WDFY1: variants seen among roughly 807,000 people sequenced by gnomAD.
The protein encoded by WDFY1 is WD repeat and FYVE domain-containing protein 1.
A neutral mutation model predicts 56.4 loss-of-function variants in WDFY1; 32 were observed. The observed-to-expected ratio is 0.57, with a 90% CI of 0.43 to 0.76. The LOEUF (loss-of-function observed/expected upper bound fraction) is 0.76. Among genes scored for constraint, WDFY1 ranks in the 30% least tolerant of loss-of-function variants. The probability of loss-of-function intolerance (pLI) is 0.00; values close to 1 mark genes in which losing one functional copy is unlikely to be tolerated. For missense variants in WDFY1, 480 were observed against 545.7 expected, an observed-to-expected ratio of 0.88 and a Z score of 1.20; for synonymous variants, 192 against 197.3, an observed-to-expected ratio of 0.97 and a Z score of 0.23.
chr2:223,912,553 G>A (rs1354874621), intron 2 of WDFY1, among the ~76,000 whole-genome samples: 1 of 152,168 alleles, frequency 6.6e-6, no homozygotes, highest in Non-Finnish European at 1.5e-5. Flanking sequence ...CTATAATGCT[G>A]GGTGAAGTGA....
At chr2:223,915,391 C>G (rs936613108) in intron 2 of WDFY1, among the ~76,000 whole-genome samples, 3 of 152,234 alleles carry the variant, frequency 2.0e-5, no homozygotes, top group Non-Finnish European at 4.4e-5. Context: ...CGAGATCTAA[C>G]AGCCAAGAGA....
At chr2:223,926,941 T>C (rs1210242559) in intron 1 of WDFY1, among the ~76,000 whole-genome samples, 1 of 152,214 alleles carries the variant, frequency 6.6e-6, no homozygotes, top group African/African-American at 2.4e-5. Flanking sequence ...GTGCTGGTAT[T>C]ACAGGTGTCA....
chr2:223,917,922 T>C, intron 2 of WDFY1, 21 bp downstream of exon 2: 1 of 1,612,330 alleles, frequency 6.2e-7, no homozygotes, highest in Non-Finnish European at 8.5e-7. Flanking sequence ...TTCTCTCAAA[T>C]GGAACAGTTC....
At chr2:223,881,470 A>G (rs901231643) in intron 10 of WDFY1, among the ~76,000 whole-genome samples, 1 of 152,198 alleles carries the variant, frequency 6.6e-6, no homozygotes, top group African/African-American at 2.4e-5. Context: ...CTTAAGTCAT[A>G]AAGCTAGGGC....
chr2:223,900,590 C>G (rs1693490374), intron 5 of WDFY1, among the ~76,000 whole-genome samples: 1 of 151,982 alleles, frequency 6.6e-6, no homozygotes, highest in Admixed American at 6.6e-5. Context: ...TTTGGGGGAT[C>G]CTGAGCCATC....
In WDFY1 at chr2:223,901,203, C is replaced by T. The variant is rs1234653600; in HGVS notation, c.465G>A (p.Thr155=). 4.6e-5 allele frequency: 74 copies of T among 1,613,806 alleles called. No homozygotes were observed. The highest frequency in any genetic ancestry group is 5.8e-5 in the Non-Finnish European group (69 of 1,179,924). The change falls in exon 5 of 12, where the codon ACG becomes ACA. Residue 155 remains threonine (T), a synonymous_variant. Coordinates refer to ENST00000233055, the MANE Select transcript of WDFY1 (RefSeq NM_020830.5). ...GATACTGCAGACACGAAGCCCAGGA[C>T]GTGAAGAAGTGCCTCCCGAGCATGT... is the stretch of plus-strand genomic sequence containing the variant. The part of the protein sequence containing the change: ...SGNMLGRHFF[T]SWASCLQYDF...
chr2:223,931,689 T>C (rs76356292), intron 1 of WDFY1, among the ~76,000 whole-genome samples: 1 of 143,860 alleles, frequency 7.0e-6, no homozygotes, highest in South Asian at 2.1e-4. Flanking sequence ...TTTCTTTCTT[T>C]TTTTTTTTTT....
intron 8 of WDFY1, among the ~76,000 whole-genome samples, chr2:223,888,183 G>A (rs538364993): frequency 5.9e-5 from 9 of 152,134 alleles, no homozygotes; most frequent in Non-Finnish European, 1.2e-4. Flanking sequence ...TGTCTCATGC[G>A]ATCCTCCCTC....
chr2:223,892,811 C>A (rs566356291), intron 8 of WDFY1, among the ~76,000 whole-genome samples: 1 of 152,204 alleles, frequency 6.6e-6, no homozygotes, highest in Non-Finnish European at 1.5e-5. Flanking sequence ...CATGTGATGT[C>A]ATGCAACACA....
chr2:223,941,909 T>C (rs1689310944), intron 1 of WDFY1, among the ~76,000 whole-genome samples: 1 of 152,106 alleles, frequency 6.6e-6, no homozygotes, highest in Non-Finnish European at 1.5e-5. Context: ...TTACATCTCA[T>C]GAAGTGTAGC....
At chr2:223,907,846 T>C (rs1693624200) in intron 3 of WDFY1, among the ~76,000 whole-genome samples, 1 of 132,032 alleles carries the variant, frequency 7.6e-6, no homozygotes, top group Non-Finnish European at 1.6e-5. Flanking sequence ...TCAAGGCTGC[T>C]GCTGCTATTT....
intron 11 of WDFY1, 112 bp from the exon 12 acceptor site, chr2:223,878,842 G>T: frequency 1.5e-6 from 2 of 1,316,224 alleles, no homozygotes; most frequent in Non-Finnish European, 2.1e-6. Flanking sequence ...TCAAATTAAT[G>T]AATTTTCTCA....
chr2:223,945,308 C>T lies in WDFY1; in HGVS notation c.-24G>A. ...ATGTTCGCGCGGCGACTGCTGCGGC[C>T]TCCTCGGCAGGCAGCCCATCAGCTG... On this transcript the variant is annotated 5_prime_UTR_variant, in exon 1 of 12. Coordinates refer to ENST00000233055, the MANE Select transcript of WDFY1 (RefSeq NM_020830.5). 4 of 1,554,962 alleles carry T rather than the reference C, an allele frequency of 2.6e-6. No homozygotes were observed. The highest frequency in any genetic ancestry group is 3.5e-6 in the Non-Finnish European group (4 of 1,159,022).
At chr2:223,899,169 A>G (rs1242894643) in intron 5 of WDFY1, 99 bp from the exon 6 acceptor site, 22 of 924,098 alleles carry the variant, frequency 2.4e-5, no homozygotes, top group Non-Finnish European at 3.8e-5. Flanking sequence ...CAAAGTTAGA[A>G]AACATGCATT....
intron 5 of WDFY1, among the ~76,000 whole-genome samples, chr2:223,899,913 T>G: frequency 6.6e-6 from 1 of 152,200 alleles, no homozygotes; most frequent in South Asian, 2.1e-4. Context: ...GCCTAGAGAA[T>G]TTAGCTATAA....
chr2:223,878,514 T>C lies in WDFY1; in HGVS notation c.*157A>G. On this transcript the variant is annotated 3_prime_UTR_variant, in exon 12 of 12. Coordinates refer to ENST00000233055, the MANE Select transcript of WDFY1 (RefSeq NM_020830.5). Reference sequence around the variant, plus strand: ...AGTCCCCATGGGTAAGTTCCACAAATGCCCCAAAACACACCTTTACATTTT... The same window carrying C: ...AGTCCCCATGGGTAAGTTCCACAAACGCCCCAAAACACACCTTTACATTTT... The C allele has an allele frequency of 1.6e-6, 1 of 610,400 alleles. No individual in the cohort carries two copies. Among genetic ancestry groups the C allele is most frequent in the Non-Finnish European group, 2.9e-6 (1 of 342,874 alleles). The allele number at this position is 610,400 out of a possible 1,614,324, so 37.8% of individuals were successfully genotyped here.
In WDFY1 at chr2:223,912,299, T is replaced by C; in HGVS notation, c.233A>G (p.His78Arg). The C allele has an allele frequency of 2.5e-6, 4 of 1,611,076 alleles. No homozygotes were observed. Among genetic ancestry groups the C allele is most frequent in the African/African-American group, 1.3e-5 (1 of 74,826 alleles). Residue 78 changes from histidine (H) to arginine (R), a missense_variant, in exon 3 of 12, where the codon CAT becomes CGT. His to Arg is a conservative substitution (Grantham distance 29). Coordinates refer to ENST00000233055, the MANE Select transcript of WDFY1 (RefSeq NM_020830.5). ...GCCCACAAATATCCGTCTGCTGTCA[T>C]GATGGTAAGCCATAGCAGAGCAAGG... The part of the protein sequence containing the change: ...ASPCSAMAYH[H>R]DSRRIFVGQD...
At chr2:223,939,796 C>A (rs989613315) in intron 1 of WDFY1, among the ~76,000 whole-genome samples, 3 of 152,264 alleles carry the variant, frequency 2.0e-5, no homozygotes, top group African/African-American at 4.8e-5. Context: ...GGGGACACAG[C>A]CAAACCATAT....
rs76832972 is a variant in WDFY1, at chr2:223,893,353, C to T, written c.831+881G>A. 2.7e-3 allele frequency among the ~76,000 whole-genome samples: 392 copies of T among 143,232 alleles called. 2 individuals carry two copies. The highest frequency in any genetic ancestry group is 9.6e-3 in the African/African-American group (362 of 37,836). The allele number at this position is 143,232 out of a possible 152,430, so 94.0% of individuals were successfully genotyped here. On this transcript the variant is annotated intron_variant, in intron 8 of 11. Transcript: ENST00000233055. Reference sequence around the variant, plus strand: ...ACGATACAGCAAGACCCTGTCTCTACCAAAAAAAAAAAAAAAAAATTGAAA... The same window carrying T: ...ACGATACAGCAAGACCCTGTCTCTATCAAAAAAAAAAAAAAAAAATTGAAA...
Sources: gnomAD v4.1 joint callset for allele counts (sites outside exome capture counted in the v4.1 genomes callset) on GRCh38, gnomAD v4.1.1 for gene constraint, MANE v1.5 for transcripts, NCBI Gene and HGNC (gene_info 2026-07-23, HGNC 2026-07-21) for gene names.